Variants in CDK15 observed in about 807,000 individuals in gnomAD.
CDK15 encodes cyclin dependent kinase 15, also known as cyclin-dependent kinase 15.
A neutral mutation model predicts 60.3 loss-of-function variants in CDK15; 62 were observed. The observed-to-expected ratio is 1.03, with a 90% CI of 0.84 to 1.27. The LOEUF (loss-of-function observed/expected upper bound fraction) is 1.27. Among genes scored for constraint, CDK15 ranks in the 50% most tolerant of loss-of-function variants. CDK15 has a pLI of 0.00. For synonymous variants in CDK15, 194 were observed against 195.7 expected (o/e 0.99, Z 0.07); for missense variants, 541 against 527.8 (o/e 1.03, Z -0.25).
chr2:201,832,362 A>G (rs1187229947), intron 6 of CDK15, among the ~76,000 whole-genome samples: 1 of 152,196 alleles, frequency 6.6e-6, no homozygotes, highest in Non-Finnish European at 1.5e-5. Context: ...CGTATTTTTA[A>G]GCACATACTA....
At chr2:201,825,438 C>T (rs1279054601) in intron 6 of CDK15, among the ~76,000 whole-genome samples, 7 of 151,724 alleles carry the variant, frequency 4.6e-5, no homozygotes, top group African/African-American at 1.7e-4. Context: ...AATAAGGGAA[C>T]CTAACCCAGT....
At chr2:201,836,035 TTTTA>T (rs1414353089) in intron 8 of CDK15, among the ~76,000 whole-genome samples, 10 of 118,612 alleles carry the variant, frequency 8.4e-5, no homozygotes, top group East Asian at 2.2e-4. Flanking sequence ...TTTATATATA[TTTTA>T]TATATATTTA....
At chr2:201,889,630 G>A (rs996560619) in intron 12 of CDK15, among the ~76,000 whole-genome samples, 2 of 152,130 alleles carry the variant, frequency 1.3e-5, no homozygotes, top group Admixed American at 1.3e-4. Flanking sequence ...CAGGCACTTG[G>A]GAAAATGCGA....
chr2:201,881,250 G>A (rs559518028), intron 12 of CDK15, among the ~76,000 whole-genome samples: 3 of 152,288 alleles, frequency 2.0e-5, no homozygotes, highest in Non-Finnish European at 4.4e-5. Flanking sequence ...ACTTGCTGAG[G>A]CATTCTGTTT....
chr2:201,893,817 A>G lies in CDK15; in HGVS notation c.*550A>G. ...AAGGACTTCCTGAGGACTATTTATT[A>G]TTATTTTGTAGGGGGCACTTCCTCC... On this transcript the variant is annotated 3_prime_UTR_variant, in exon 14 of 14. Transcript: ENST00000652192. 1 of 152,124 alleles carries G rather than the reference A, an allele frequency of 6.6e-6. No homozygotes were observed. 9.4% of individuals were successfully genotyped at this position (152,124 alleles called of 1,614,324 possible).
At chr2:201,852,731 A>G (rs571294431) in intron 9 of CDK15, among the ~76,000 whole-genome samples, 2 of 152,368 alleles carry the variant, frequency 1.3e-5, no homozygotes, top group Admixed American at 6.5e-5. Flanking sequence ...CCAGACAGTG[A>G]AGGAGAGATT....
At chr2:201,833,083 C>T (rs548454182) in intron 6 of CDK15, among the ~76,000 whole-genome samples, 2 of 152,246 alleles carry the variant, frequency 1.3e-5, no homozygotes, top group East Asian at 3.9e-4. Context: ...TGCCTCATAA[C>T]CACATGAAAC....
chr2:201,888,445 T>C, intron 12 of CDK15: 1 of 1,534,284 alleles, frequency 6.5e-7, no homozygotes, highest in South Asian at 1.2e-5. Context: ...CGCTTTCATA[T>C]TTATTTATTC....
chr2:201,829,857 G>A (rs1214908750), intron 6 of CDK15, among the ~76,000 whole-genome samples: 1 of 151,654 alleles, frequency 6.6e-6, no homozygotes, highest in Admixed American at 6.6e-5. Flanking sequence ...GCCCAGGCTG[G>A]AGTGCAGTGG....
Position 201,822,815 on chromosome 2 carries a change from T to C in CDK15, c.455T>C (p.Leu152Pro). The C allele has an allele frequency of 6.2e-7, 1 of 1,601,570 alleles. No homozygotes were observed. The change falls in exon 5 of 14, where the codon CTC becomes CCC. Residue 152 changes from leucine (L) to proline (P), a missense_variant. Coordinates refer to ENST00000652192, the MANE Select transcript of CDK15 (RefSeq NM_001366386.2). ...VPFTAIREASLLKGLKHANIV... is the reference protein window; with the variant it reads ...VPFTAIREASPLKGLKHANIV... The stretch of plus-strand genomic sequence containing the variant: ...TTTTGTTTAATTTTTCTAGCTTCTC[T>C]CCTGAAGGGTTTGAAACATGCCAAT...
chr2:201,860,847 T>C, intron 10 of CDK15: 1 of 1,352,118 alleles, frequency 7.4e-7, no homozygotes, highest in Non-Finnish European at 9.8e-7. Context: ...AAATCCAGTG[T>C]GAGAGCTTCA....
chr2:201,832,726 A>C (rs1286087919), intron 6 of CDK15, among the ~76,000 whole-genome samples: 1 of 152,204 alleles, frequency 6.6e-6, no homozygotes, highest in Non-Finnish European at 1.5e-5. Flanking sequence ...CTTCCATTGG[A>C]CCATTTGGCT....
In CDK15 at chr2:201,886,148, A is replaced by G. The variant is rs73057642; in HGVS notation, c.1199-4637A>G. On this transcript the variant is annotated intron_variant, in intron 12 of 13. Coordinates refer to ENST00000652192, the MANE Select transcript of CDK15 (RefSeq NM_001366386.2). ...GTTTATTTTAAAGCTTTTCTGGGAA[A>G]GATTCCACACATCTCCAGGTAGCGT... 1.6e-3 allele frequency among the ~76,000 whole-genome samples: 244 copies of G among 152,282 alleles called. 1 individual carries two copies. Among genetic ancestry groups the G allele is most frequent in the African/African-American group, 5.8e-3 (239 of 41,564 alleles).
intron 9 of CDK15, among the ~76,000 whole-genome samples, chr2:201,853,977 C>T (rs200076232): frequency 2.0e-5 from 3 of 151,880 alleles, no homozygotes; most frequent in Non-Finnish European, 2.9e-5. Flanking sequence ...CTGGCCAACA[C>T]GGTGAAACCC....
intron 11 of CDK15, among the ~76,000 whole-genome samples, chr2:201,878,026 C>T (rs1416883032): frequency 6.6e-6 from 1 of 152,184 alleles, no homozygotes; most frequent in African/African-American, 2.4e-5. Context: ...GTGTATTTGA[C>T]ATTAAGTAAG....
chr2:201,838,289 GTAGAGACCA>G (rs1284484690), intron 8 of CDK15, among the ~76,000 whole-genome samples: 1 of 152,092 alleles, frequency 6.6e-6, no homozygotes, highest in East Asian at 1.9e-4. Context: ...CATCTAGTGG[GTAGAGACCA>G]GGGATACTGC....
rs963775062 is a variant in CDK15 at position 201,880,291 on chromosome 2, A to G, written c.1198+124A>G. 70 of 1,184,810 alleles carry G rather than the reference A, an allele frequency of 5.9e-5. No homozygotes were observed. In the Admixed American group the frequency reaches 1.7e-3, roughly 28 times the overall value. 73.4% of individuals were successfully genotyped at this position (1,184,810 alleles called of 1,614,324 possible). On this transcript the variant is annotated intron_variant, in intron 12 of 13. Transcript: ENST00000652192. ...ATCATAGCATTTACCCCCAGGAGTG[A>G]AGTTAGAGATCAGTTTGCCTGGGAG...
At chr2:201,838,447 C>T (rs1697223264) in intron 8 of CDK15, among the ~76,000 whole-genome samples, 1 of 152,120 alleles carries the variant, frequency 6.6e-6, no homozygotes, top group Non-Finnish European at 1.5e-5. Flanking sequence ...CCCTTGGTTG[C>T]CCAGGCTGGA....
At chr2:201,847,522 T>C (rs1298643802) in intron 9 of CDK15, 48 bp downstream of exon 9, 14 of 1,545,464 alleles carry the variant, frequency 9.1e-6, no homozygotes, top group Non-Finnish European at 1.3e-5. Context: ...GCATTTTAAG[T>C]TTTGAACCAA....
Sources: gnomAD v4.1 joint callset for allele counts (sites outside exome capture counted in the v4.1 genomes callset) on GRCh38, gnomAD v4.1.1 for gene constraint, MANE v1.5 for transcripts, NCBI Gene and HGNC (gene_info 2026-07-23, HGNC 2026-07-21) for gene names.